The following PSMD1 variants were observed in gnomAD, a reference collection of about 807,000 sequenced individuals.
PSMD1 encodes 26S proteasome non-ATPase regulatory subunit 1.
In PSMD1, 18 loss-of-function variants were observed where a neutral mutation model predicts 119.0. The ratio of observed to expected loss-of-function variants is 0.15; its 90% CI spans 0.10 to 0.22. The LOEUF is 0.22. Among genes scored for constraint, PSMD1 ranks in the 10% least tolerant of loss-of-function variants. The pLI, the probability that PSMD1 is intolerant of heterozygous loss-of-function variation, is 1.00. For synonymous variants in PSMD1, 374 were observed against 396.6 expected (o/e 0.94, Z 0.68); for missense variants, 702 against 1,158.5 (o/e 0.61, Z 5.72).
intron 16 of PSMD1, chr2:231,109,273 A>C (rs748802285): frequency 3.7e-6 from 6 of 1,614,174 alleles, no homozygotes; most frequent in South Asian, 1.1e-5. Context: ...TCATAATTGC[A>C]AGAGGTGTGA....
intron 23 of PSMD1, 100 bp downstream of exon 23, chr2:231,166,117 GCAAGCTCACTAGTTCTAAGAAATT>G: frequency 8.6e-7 from 1 of 1,160,854 alleles, no homozygotes. Flanking sequence ...AAGCATTGGA[GCAAGCTCACTAGTTCTAAGAAATT>G]ATTTAACAAA....
chr2:231,163,717 A>G lies in PSMD1; in HGVS notation c.2471A>G (p.Glu824Gly). ...PAPLEVPKEK[E>G]KEKVSTAVLS... Reference sequence around the variant, plus strand: ...CCTCTGGAAGTACCAAAAGAAAAAGAAAAGGAAAAGGTAGGTTCTTTGTTC... The same window carrying G: ...CCTCTGGAAGTACCAAAAGAAAAAGGAAAGGAAAAGGTAGGTTCTTTGTTC... The change falls in exon 21 of 25, where the codon GAA becomes GGA. Residue 824 changes from glutamate (E) to glycine (G), a missense_variant. By Grantham distance (98) the Glu-to-Gly change is moderately conservative. Transcript: ENST00000308696. The G allele has an allele frequency of 1.9e-6, 3 of 1,604,316 alleles. No homozygotes were observed. Among genetic ancestry groups the G allele is most frequent in the South Asian group, 2.2e-5 (2 of 90,864 alleles).
At chr2:231,149,766 A>T (rs1449314426) in intron 18 of PSMD1, among the ~76,000 whole-genome samples, 1 of 152,204 alleles carries the variant, frequency 6.6e-6, no homozygotes, top group East Asian at 1.9e-4. Context: ...TAAGATAGGG[A>T]CTTGGACTCT....
At chr2:231,085,651 C>A (rs1323034583) in intron 15 of PSMD1, among the ~76,000 whole-genome samples, 1 of 151,730 alleles carries the variant, frequency 6.6e-6, no homozygotes, top group Non-Finnish European at 1.5e-5. Flanking sequence ...ATCCCCCACC[C>A]CCACACCCCG....
intron 16 of PSMD1, among the ~76,000 whole-genome samples, chr2:231,114,352 A>C (rs891976113): frequency 1.3e-5 from 2 of 152,332 alleles, no homozygotes; most frequent in South Asian, 4.1e-4. Flanking sequence ...ACAGTATGAC[A>C]AAAAGCGTAT....
intron 16 of PSMD1, chr2:231,123,829 C>G (rs1209707113): frequency 1.6e-6 from 2 of 1,245,478 alleles, no homozygotes; most frequent in East Asian, 4.6e-5. Flanking sequence ...AGCTAAGCTG[C>G]TCATCTGTTT....
At chr2:231,123,510 C>T (rs1695622271) in intron 16 of PSMD1, 1 of 1,614,050 alleles carries the variant, frequency 6.2e-7, no homozygotes, top group Non-Finnish European at 8.5e-7. Context: ...TAGCATACTG[C>T]AGCTTCTTCT....
At chr2:231,137,666 C>G (rs545970895) in intron 16 of PSMD1, among the ~76,000 whole-genome samples, 13 of 151,940 alleles carry the variant, frequency 8.6e-5, no homozygotes, top group African/African-American at 3.1e-4. Flanking sequence ...ATGCATAGTA[C>G]CCAATAGTTT....
At chr2:231,078,609 T>C (rs1200392140) in intron 9 of PSMD1, 50 bp from the exon 10 acceptor site, 5 of 1,417,230 alleles carry the variant, frequency 3.5e-6, no homozygotes, top group Non-Finnish European at 4.9e-6. Flanking sequence ...AGGGTGTGCA[T>C]ATATGAATAC....
intron 6 of PSMD1, 56 bp downstream of exon 6, chr2:231,070,224 T>A: frequency 7.9e-7 from 1 of 1,260,310 alleles, no homozygotes; most frequent in Non-Finnish European, 1.0e-6. Flanking sequence ...TGTGCTATGC[T>A]ATACCACTTC....
At chr2:231,140,495 CAAAAAA>C (rs766658246) in intron 17 of PSMD1, among the ~76,000 whole-genome samples, 1 of 48,498 alleles carries the variant, frequency 2.1e-5, no homozygotes, top group African/African-American at 6.6e-5. Flanking sequence ...GACTCCATCT[CAAAAAA>C]AAAAAAAAAA....
intron 16 of PSMD1, among the ~76,000 whole-genome samples, chr2:231,113,465 C>G (rs1695226209): frequency 6.6e-6 from 1 of 152,192 alleles, no homozygotes. Context: ...ATATAGAAAT[C>G]TAAGCAGAAA....
intron 16 of PSMD1, among the ~76,000 whole-genome samples, chr2:231,098,792 C>T (rs1331864279): frequency 2.0e-5 from 3 of 152,168 alleles, no homozygotes; most frequent in Non-Finnish European, 4.4e-5. Flanking sequence ...AAAGGTCATC[C>T]AGTAGCAGTT....
Position 231,072,340 on chromosome 2 carries a change from G to A in PSMD1, c.806G>A (p.Arg269Gln), listed in dbSNP as rs140288102. ...QFLSSVIQNL[R>Q]TVGTPIASVP... is the part of the protein sequence containing the mutation. Reference sequence around the variant, plus strand: ...TTGTCATCTGTAATCCAGAATCTTCGAACTGTTGGCACCCCTATTGCTTCT... The same window carrying A: ...TTGTCATCTGTAATCCAGAATCTTCAAACTGTTGGCACCCCTATTGCTTCT... Residue 269 changes from arginine (R) to glutamine (Q), a missense_variant, in exon 7 of 25, where the codon CGA becomes CAA. By Grantham distance (43) the Arg-to-Gln change is conservative. Transcript: ENST00000308696. 1.3e-3 allele frequency: 2,161 copies of A among 1,613,988 alleles called. 3 individuals are homozygous for A. Among genetic ancestry groups the A allele is most frequent in the Non-Finnish European group, 1.7e-3 (1,961 of 1,179,930 alleles).
chr2:231,100,493 C>G (rs1277776776), intron 16 of PSMD1, among the ~76,000 whole-genome samples: 1 of 151,604 alleles, frequency 6.6e-6, no homozygotes, highest in African/African-American at 2.4e-5. Context: ...TTAGGGTGGA[C>G]CAGGTGATCA....
intron 16 of PSMD1, among the ~76,000 whole-genome samples, chr2:231,121,242 C>T (rs113294485): frequency 2.0e-5 from 3 of 152,198 alleles, no homozygotes; most frequent in African/African-American, 7.2e-5. Flanking sequence ...AATTAACAAA[C>T]ATGAGCCAGG....
chr2:231,083,493 G>A, intron 13 of PSMD1, 74 bp from the exon 14 acceptor site: 1 of 1,480,550 alleles, frequency 6.8e-7, no homozygotes, highest in Non-Finnish European at 9.4e-7. Flanking sequence ...CAAAAAGAGT[G>A]CTACTTTCAG....
In PSMD1 at chr2:231,168,271, T is replaced by G. The variant is rs1696834429; in HGVS notation, c.2715+2254T>G. 2.0e-5 allele frequency among the ~76,000 whole-genome samples: 3 copies of G among 152,244 alleles called. No homozygotes were observed. In the South Asian group the frequency reaches 6.2e-4, roughly 32 times the overall value. On this transcript the variant is annotated intron_variant, in intron 23 of 24. Coordinates refer to ENST00000308696, the MANE Select transcript of PSMD1 (RefSeq NM_002807.4). ...AAGAATTTGGCAGTTCCTCAAAAAG[T>G]TAAATGTAGTCTTATCATATGACCC...
intron 16 of PSMD1, among the ~76,000 whole-genome samples, chr2:231,125,680 A>G (rs1437939896): frequency 6.6e-6 from 1 of 152,218 alleles, no homozygotes; most frequent in Non-Finnish European, 1.5e-5. Flanking sequence ...GAGAAAATAC[A>G]AGTAATGAAA....
Sources: gnomAD v4.1 joint callset for allele counts (sites outside exome capture counted in the v4.1 genomes callset) on GRCh38, gnomAD v4.1.1 for gene constraint, MANE v1.5 for transcripts, NCBI Gene and HGNC (gene_info 2026-07-23, HGNC 2026-07-21) for gene names.